Variants in LRRC49 observed in about 807,000 individuals in gnomAD.
LRRC49 encodes the protein leucine-rich repeat-containing protein 49.
In LRRC49, 50 loss-of-function variants were observed where a neutral mutation model predicts 83.3. That is an observed-to-expected ratio of 0.60 (90% CI 0.48 to 0.76). LRRC49 has a LOEUF of 0.76. LRRC49 is among the 30% of genes least tolerant of loss of function. The pLI, the probability that LRRC49 is intolerant of heterozygous loss-of-function variation, is 0.00. For missense variants in LRRC49, 704 were observed against 809.1 expected (o/e 0.87, Z 1.58); for synonymous variants, 286 against 283.3 (o/e 1.01, Z -0.10).
intron 7 of LRRC49, among the ~76,000 whole-genome samples, chr15:70,925,593 T>G (rs1350377666): frequency 6.6e-6 from 1 of 152,162 alleles, no homozygotes; most frequent in Non-Finnish European, 1.5e-5. Context: ...GAACAATTCA[T>G]ATTGGTGCTT....
chr15:70,855,403 A>C (rs2032632286), intron 1 of LRRC49, among the ~76,000 whole-genome samples: 1 of 152,160 alleles, frequency 6.6e-6, no homozygotes, highest in Non-Finnish European at 1.5e-5. Context: ...ATAAGACCTG[A>C]ATCTGCTTTC....
intron 8 of LRRC49, among the ~76,000 whole-genome samples, chr15:70,946,248 C>T (rs946006037): frequency 1.3e-5 from 2 of 152,118 alleles, no homozygotes; most frequent in Non-Finnish European, 2.9e-5. Flanking sequence ...CCCAATCACC[C>T]TACATGACCA....
intron 3 of LRRC49, among the ~76,000 whole-genome samples, chr15:70,896,974 A>G (rs986732438): frequency 6.6e-6 from 1 of 152,186 alleles, no homozygotes; most frequent in African/African-American, 2.4e-5. Flanking sequence ...ATTCAGTTCA[A>G]TACTTATTTA....
chr15:70,931,601 C>T (rs1203391659), intron 7 of LRRC49, among the ~76,000 whole-genome samples: 1 of 151,936 alleles, frequency 6.6e-6, no homozygotes, highest in African/African-American at 2.4e-5. Flanking sequence ...ATGCATGTAC[C>T]TTATTTTTTC....
intron 14 of LRRC49, 83 bp from the exon 15 acceptor site, chr15:71,037,096 C>G (rs1242010148): frequency 1.1e-6 from 1 of 906,044 alleles, no homozygotes; most frequent in African/African-American, 1.7e-5. Context: ...AGTATATGTT[C>G]TCCTCTAAAG....
intron 1 of LRRC49, chr15:70,859,924 T>A (rs927047107): frequency 1.3e-6 from 1 of 767,926 alleles, no homozygotes; most frequent in Non-Finnish European, 2.4e-6. Flanking sequence ...GGCTGGAGTC[T>A]GGGATGCAGA....
At chr15:70,892,097 G>A (rs1169711779), upstream of LRRC49, 11 of 1,613,856 alleles carry the variant, frequency 6.8e-6, no homozygotes, top group Admixed American at 1.7e-5. Context: ...ACAGGCTGGG[G>A]CAAAGTGGTC....
intron 14 of LRRC49, among the ~76,000 whole-genome samples, chr15:71,029,223 C>G (rs1293656009): frequency 6.6e-6 from 1 of 152,116 alleles, no homozygotes; most frequent in Non-Finnish European, 1.5e-5. Context: ...CATTCAGGAG[C>G]AGATTGTTCA....
rs746743480 is a variant in LRRC49, at chr15:70,901,034, AT to A, written c.296+13del. The A allele has an allele frequency of 6.5e-7, 1 of 1,539,724 alleles. No individual in the cohort carries two copies. The highest frequency in any genetic ancestry group is 8.9e-7 in the Non-Finnish European group (1 of 1,125,816). ...GGTTGAGCCTAGAAAGGTGAGGACA[AT>A]TTCTTTTCTTTTCTTTTTTTTGACT... On this transcript the variant is annotated intron_variant, in intron 4 of 15. Transcript: ENST00000260382.
intron 7 of LRRC49, among the ~76,000 whole-genome samples, chr15:70,926,703 G>T (rs2035215169): frequency 6.7e-6 from 1 of 149,892 alleles, no homozygotes; most frequent in East Asian, 2.0e-4. Context: ...AGTGTGTGAT[G>T]TTCCCCTTCC....
At chr15:70,983,835 T>A (rs1289096001) in intron 10 of LRRC49, among the ~76,000 whole-genome samples, 1 of 152,210 alleles carries the variant, frequency 6.6e-6, no homozygotes, top group Non-Finnish European at 1.5e-5. Flanking sequence ...TATTTATTTT[T>A]AATAAAATTA....
intron 2 of LRRC49, among the ~76,000 whole-genome samples, chr15:70,885,506 AGC>A (rs2033383135): frequency 6.6e-6 from 1 of 152,220 alleles, no homozygotes; most frequent in African/African-American, 2.4e-5. Flanking sequence ...CATTCTCTTC[AGC>A]GGGGTAACCA....
chr15:70,989,336 C>T (rs1460674915), intron 11 of LRRC49, among the ~76,000 whole-genome samples: 4 of 151,684 alleles, frequency 2.6e-5, no homozygotes, highest in Non-Finnish European at 5.9e-5. Context: ...TTGTTCGTTT[C>T]TATTCTTTTT....
chr15:70,935,428 A>G (rs1360015719), intron 7 of LRRC49, among the ~76,000 whole-genome samples: 1 of 152,176 alleles, frequency 6.6e-6, no homozygotes, highest in Non-Finnish European at 1.5e-5. Context: ...TATCACTTTT[A>G]TATTTTCTTT....
chr15:70,863,801 T>G (rs1232018328), intron 1 of LRRC49, among the ~76,000 whole-genome samples: 1 of 152,234 alleles, frequency 6.6e-6, no homozygotes, highest in Non-Finnish European at 1.5e-5. Context: ...ACATGAAAAC[T>G]GAAAAGCCTG....
At position 71,037,232 on chromosome 15, in the gene LRRC49, T is replaced by C. The variant is rs762006878; in HGVS notation, c.1757T>C (p.Ile586Thr). 1 of 1,611,444 alleles carries C rather than the reference T, an allele frequency of 6.2e-7. No individual in the cohort carries two copies. Among genetic ancestry groups the C allele is most frequent in the East Asian group, 2.2e-5 (1 of 44,772 alleles). The stretch of plus-strand genomic sequence containing the variant: ...TCCAAAGGAAAAAAACCTGGTATTA[T>C]CAACGAAGAAAATAATGACAGCAAA... ...LESKGKKPGI[I>T]NEENNDSKRL... The change falls in exon 15 of 16, where the codon ATC becomes ACC. Residue 586 changes from isoleucine to threonine, a missense_variant. Physicochemically the swap from Ile to Thr is moderately conservative, Grantham distance 89. This residue lies in a region of LRRC49 where 275 missense variants were observed against 338.0 expected (regional missense o/e 0.81). Coordinates refer to ENST00000260382, the MANE Select transcript of LRRC49 (RefSeq NM_017691.5).
chr15:70,924,946 C>CT (rs1227535430), intron 7 of LRRC49, among the ~76,000 whole-genome samples: 2 of 152,060 alleles, frequency 1.3e-5, no homozygotes, highest in Admixed American at 6.5e-5. Flanking sequence ...AGGGTATCTT[C>CT]TTTTCCTTCC....
intron 1 of LRRC49, among the ~76,000 whole-genome samples, chr15:70,862,371 G>A (rs1185633072): frequency 6.6e-6 from 1 of 152,088 alleles, no homozygotes; most frequent in Non-Finnish European, 1.5e-5. Context: ...AAGGCCAGGA[G>A]ATCGAGACCA....
At chr15:70,947,833 C>T (rs765323253) in intron 8 of LRRC49, among the ~76,000 whole-genome samples, 1 of 152,018 alleles carries the variant, frequency 6.6e-6, no homozygotes, top group Non-Finnish European at 1.5e-5. Flanking sequence ...AATGAATCGC[C>T]GCAGCCAGGG....
Sources: gnomAD v4.1 joint callset for allele counts (sites outside exome capture counted in the v4.1 genomes callset) on GRCh38, gnomAD v4.1.1 for gene constraint, gnomAD v4.1.1 regional missense constraint, MANE v1.5 for transcripts, NCBI Gene and HGNC (gene_info 2026-07-23, HGNC 2026-07-21) for gene names.